PCDHGB7: variants seen among roughly 807,000 people sequenced by gnomAD.
PCDHGB7 encodes protocadherin gamma-B7.
Under a neutral mutation model 61.4 loss-of-function variants are expected in PCDHGB7, and 37 were observed. The ratio of observed to expected loss-of-function variants is 0.60; its 90% CI spans 0.46 to 0.79. The LOEUF is 0.79. Among genes scored for constraint, PCDHGB7 ranks in the 30% least tolerant of loss-of-function variants. PCDHGB7 has a pLI of 0.00. For synonymous variants in PCDHGB7, 464 were observed against 503.5 expected, an observed-to-expected ratio of 0.92 and a Z score of 1.05; for missense variants, 1,166 against 1,202.5, an observed-to-expected ratio of 0.97 and a Z score of 0.45.
rs560723941 is a variant in PCDHGB7, at chr5:141,419,558, C to T, written c.1699C>T (p.Leu567=). ...CGCACCGCGGGTGCTGTACCCTGCGCTGGGTCCCGACGGCTCCGCGCTCTT... is the reference window on the plus strand; with the variant it reads ...CGCACCGCGGGTGCTGTACCCTGCGTTGGGTCCCGACGGCTCCGCGCTCTT... ...DNAPRVLYPA[L]GPDGSALFDT... The change falls in exon 1 of 4, where the codon CTG becomes TTG. Residue 567 remains leucine, a synonymous_variant. Transcript: ENST00000398594. 1 of 1,611,970 alleles carries T rather than the reference C, an allele frequency of 6.2e-7. No individual in the cohort carries two copies. Among genetic ancestry groups the T allele is most frequent in the African/African-American group, 1.3e-5 (1 of 75,042 alleles).
chr5:141,427,428 T>C (rs1489623330), intron 1 of PCDHGB7: 3 of 470,472 alleles, frequency 6.4e-6, no homozygotes, highest in Admixed American at 4.7e-5. Context: ...GGAGGTTACA[T>C]GCCTCATAAA....
At chr5:141,467,565 C>A (rs2154569547) in intron 1 of PCDHGB7, among the ~76,000 whole-genome samples, 1 of 152,302 alleles carries the variant, frequency 6.6e-6, no homozygotes, top group East Asian at 1.9e-4. Context: ...TCCCAAATGG[C>A]TATCCAGTTG....
At position 141,510,984 on chromosome 5, in the gene PCDHGB7, C is replaced by T. The variant is rs375865663; in HGVS notation, c.2601C>T (p.Ala867=). The change falls in exon 4 of 4, where the codon GCC becomes GCT. Residue 867 remains alanine (A), a synonymous_variant. Coordinates refer to ENST00000398594, the MANE Select transcript of PCDHGB7 (RefSeq NM_018927.4). ...GGAGCTCCACCCTGGGAGGGGGTGC[C>T]GGCACCATGGGATTGAGCGCCCGCT... The part of the protein sequence containing the change: ...ADGSSTLGGG[A]GTMGLSARYG... 20 of 1,614,044 alleles carry T rather than the reference C, an allele frequency of 1.2e-5. No homozygotes were observed. The East Asian group carries it at 1.6e-4, about 13-fold the overall frequency.
In PCDHGB7 at chr5:141,431,243, A is replaced by G; in HGVS notation, c.2415+10969A>G. 1 of 1,614,154 alleles carries G rather than the reference A, an allele frequency of 6.2e-7. No homozygotes were observed. Among genetic ancestry groups the G allele is most frequent in the Non-Finnish European group, 8.5e-7 (1 of 1,180,034 alleles). ...TCTACCCCACGCCTGGGATCCGGAT[A>G]TCGGGAAGAACTCTCTGCAGAGCTA... On this transcript the variant is annotated intron_variant, in intron 1 of 3. Coordinates refer to ENST00000398594, the MANE Select transcript of PCDHGB7 (RefSeq NM_018927.4). This position sits in a 1 kb window ranked among gnomAD's most constrained non-coding sequence, Gnocchi z 4.8.
chr5:141,423,230 G>A (rs1223173152), intron 1 of PCDHGB7: 1 of 1,613,872 alleles, frequency 6.2e-7, no homozygotes, highest in East Asian at 2.2e-5. Flanking sequence ...GTGGCCGACA[G>A]CATCCCCGAA....
At chr5:141,443,448 T>C (rs1205977008) in intron 1 of PCDHGB7, among the ~76,000 whole-genome samples, 1 of 152,210 alleles carries the variant, frequency 6.6e-6, no homozygotes, top group African/African-American at 2.4e-5. Context: ...GTTGCGCTCC[T>C]GTACTCCAGT....
intron 1 of PCDHGB7, chr5:141,430,922 G>A: frequency 1.2e-6 from 2 of 1,607,168 alleles, no homozygotes; most frequent in South Asian, 2.2e-5. Context: ...CCTGGGGCTG[G>A]AGCCCCGGGA....
At chr5:141,457,784 T>G (rs1021614051) in intron 1 of PCDHGB7, among the ~76,000 whole-genome samples, 1 of 152,210 alleles carries the variant, frequency 6.6e-6, no homozygotes, top group Non-Finnish European at 1.5e-5. Flanking sequence ...TACCTGTGAG[T>G]TGGGTTATCC....
rs2097549501 is a variant in PCDHGB7 at position 141,432,920 on chromosome 5, A to T, written c.2415+12646A>T. ...GGCGCTCAGGCTGCGGCGCTGGCAC[A>T]AGTCACGCCTGCTGCAGGCTTCAGG... On this transcript the variant is annotated intron_variant, in intron 1 of 3. Transcript: ENST00000398594. The surrounding 1 kb of genome is among the most constrained non-coding windows in gnomAD (Gnocchi z 6.0). 1 of 1,614,022 alleles carries T rather than the reference A, an allele frequency of 6.2e-7. No homozygotes were observed.
intron 1 of PCDHGB7, among the ~76,000 whole-genome samples, chr5:141,438,579 CATACATACATACATATATATAT>C (rs1356926315): frequency 3.6e-5 from 2 of 55,782 alleles, no homozygotes; most frequent in Non-Finnish European, 6.0e-5. Context: ...GATATACATA[CATACATACATACATATATATAT>C]ATATATATAT....
At chr5:141,459,442 A>G (rs2098968073) in intron 1 of PCDHGB7, among the ~76,000 whole-genome samples, 1 of 152,198 alleles carries the variant, frequency 6.6e-6, no homozygotes, top group South Asian at 2.1e-4. Context: ...CATTCATTCA[A>G]CTGTTGGTGG....
chr5:141,475,644 A>C (rs1021491842), intron 1 of PCDHGB7, among the ~76,000 whole-genome samples: 2 of 152,238 alleles, frequency 1.3e-5, no homozygotes, highest in Non-Finnish European at 2.9e-5. Context: ...TCTTGTGATC[A>C]AAGAAAGTGA....
At chr5:141,445,855 T>C (rs1432695384) in intron 1 of PCDHGB7, among the ~76,000 whole-genome samples, 1 of 152,222 alleles carries the variant, frequency 6.6e-6, no homozygotes, top group Non-Finnish European at 1.5e-5. Flanking sequence ...CTTAAAATTC[T>C]GGATTTTGTT....
intron 1 of PCDHGB7, among the ~76,000 whole-genome samples, chr5:141,488,839 G>A (rs954244872): frequency 2.6e-5 from 4 of 152,206 alleles, no homozygotes; most frequent in African/African-American, 9.6e-5. Flanking sequence ...CAAGGGGGCT[G>A]AATCAACCTG....
chr5:141,439,368 A>C (rs1346879772), intron 1 of PCDHGB7, among the ~76,000 whole-genome samples: 1 of 152,192 alleles, frequency 6.6e-6, no homozygotes, highest in East Asian at 1.9e-4. Flanking sequence ...CATCAAGAAG[A>C]AATAAAAATA....
Position 141,481,023 on chromosome 5 carries a change from A to G in PCDHGB7, c.2416-13784A>G, listed in dbSNP as rs546827260. On this transcript the variant is annotated intron_variant, in intron 1 of 3. Transcript: ENST00000398594. ...CAGTGAGCCCAGATCACACCACTGC[A>G]CTCCAGCCTGGGCGACAGAGCGAGA... Among the ~76,000 whole-genome samples the G allele has an allele frequency of 9.0e-4, 137 of 152,218 alleles. 1 individual carries two copies. The highest frequency in any genetic ancestry group is 3.2e-3 in the African/African-American group (132 of 41,516).
At chr5:141,507,557 C>T (rs959957585) in intron 3 of PCDHGB7, among the ~76,000 whole-genome samples, 5 of 152,250 alleles carry the variant, frequency 3.3e-5, no homozygotes, top group Middle Eastern at 3.4e-3. Flanking sequence ...AAGTGGCAGG[C>T]GGCTGGGTCT....
intron 2 of PCDHGB7, among the ~76,000 whole-genome samples, chr5:141,504,909 G>C (rs948719729): frequency 6.6e-6 from 1 of 152,002 alleles, no homozygotes; most frequent in Non-Finnish European, 1.5e-5. Context: ...ACTATGACAG[G>C]AAGCCAGGCT....
chr5:141,454,796 A>ATTTTTTTTTTTTTT lies in PCDHGB7; in HGVS notation c.2415+34538_2415+34551dup, dbSNP rs61612330. ...AAGGAAATAATCCTCCATGGTTCTA[A>ATTTTTTTTTTTTTT]TTTTTTTTTTTTTTTTTTTTTTTTT... On this transcript the variant is annotated intron_variant, in intron 1 of 3. Coordinates refer to ENST00000398594, the MANE Select transcript of PCDHGB7 (RefSeq NM_018927.4). 1.1e-3 allele frequency among the ~76,000 whole-genome samples: 87 copies of ATTTTTTTTTTTTTT among 77,456 alleles called. 11 individuals carry two copies. The highest frequency in any genetic ancestry group is 1.4e-3 in the Admixed American group (8 of 5,554). The allele number at this position is 77,456 out of a possible 152,430, so 50.8% of individuals were successfully genotyped here.
Sources: gnomAD v4.1 joint callset for allele counts (sites outside exome capture counted in the v4.1 genomes callset) on GRCh38, gnomAD v4.1.1 for gene constraint, Gnocchi (gnomAD v3.1) non-coding constraint, MANE v1.5 for transcripts, NCBI Gene and HGNC (gene_info 2026-07-23, HGNC 2026-07-21) for gene names.